Variants in CDKAL1 observed in about 807,000 individuals in gnomAD.
The protein encoded by CDKAL1 is CDKAL1 threonylcarbamoyladenosine tRNA methylthiotransferase.
In CDKAL1, 32 loss-of-function variants were observed where a neutral mutation model predicts 68.2. The observed-to-expected ratio is 0.47, with a 90% confidence interval of 0.35 to 0.63. The LOEUF (loss-of-function observed/expected upper bound fraction) is 0.63, where lower values mean the gene tolerates loss of function less well. Ranked by LOEUF, CDKAL1 falls within the 30% of genes least tolerant of loss-of-function variation. The pLI, the probability that CDKAL1 is intolerant of heterozygous loss-of-function variation, is 0.00. For synonymous variants in CDKAL1, 234 were observed against 244.3 expected (o/e 0.96, Z 0.39); for missense variants, 606 against 696.7 (o/e 0.87, Z 1.47).
intron 8 of CDKAL1, among the ~76,000 whole-genome samples, chr6:20,833,144 T>G (rs886355340): frequency 6.6e-6 from 1 of 152,178 alleles, no homozygotes; most frequent in Non-Finnish European, 1.5e-5. Flanking sequence ...ATTGAAGCAT[T>G]TATTGGAGAA....
At chr6:21,051,114 G>A (rs868111937) in intron 11 of CDKAL1, among the ~76,000 whole-genome samples, 1 of 152,180 alleles carries the variant, frequency 6.6e-6, no homozygotes, top group African/African-American at 2.4e-5. Flanking sequence ...TAAAGTAGCA[G>A]AATGTGAACA....
At chr6:20,995,110 G>T (rs941030635) in intron 10 of CDKAL1, among the ~76,000 whole-genome samples, 19 of 152,184 alleles carry the variant, frequency 1.2e-4, no homozygotes, top group Admixed American at 8.5e-4. Flanking sequence ...TGATGAGATT[G>T]CAGCAATTCC....
intron 5 of CDKAL1, among the ~76,000 whole-genome samples, chr6:20,728,853 CT>C (rs1456543507): frequency 6.6e-6 from 1 of 151,940 alleles, no homozygotes; most frequent in Admixed American, 6.5e-5. Flanking sequence ...ACTCTTTTTT[CT>C]TTTCTTTTCT....
chr6:20,743,624 G>C (rs112130562), intron 6 of CDKAL1, among the ~76,000 whole-genome samples: 380 of 152,204 alleles, frequency 2.5e-3, no homozygotes, highest in African/African-American at 8.6e-3. Flanking sequence ...TTTGACCTCT[G>C]GGCCTTTTAT....
At chr6:20,542,053 G>A (rs1389485681) in intron 2 of CDKAL1, among the ~76,000 whole-genome samples, 1 of 152,154 alleles carries the variant, frequency 6.6e-6, no homozygotes, top group Non-Finnish European at 1.5e-5. Context: ...CTAATCTTTG[G>A]TTCTTACTGA....
At chr6:20,548,734 A>G (rs761461635) in intron 4 of CDKAL1, 29 bp downstream of exon 4, 2 of 1,036,498 alleles carry the variant, frequency 1.9e-6, no homozygotes, top group East Asian at 2.5e-5. Context: ...TATTTTATTG[A>G]TTAAATTTTT....
chr6:21,003,371 T>TATATATACACACACAC, intron 11 of CDKAL1, among the ~76,000 whole-genome samples: 1 of 49,302 alleles, frequency 2.0e-5, no homozygotes, highest in East Asian at 8.6e-4. Context: ...TATATATATA[T>TATATATACACACACAC]ACACACACAC....
intron 11 of CDKAL1, among the ~76,000 whole-genome samples, chr6:21,009,933 T>C (rs1767924179): frequency 6.6e-6 from 1 of 152,182 alleles, no homozygotes; most frequent in Non-Finnish European, 1.5e-5. Flanking sequence ...GGTAGCACAG[T>C]AGAGTGACTA....
intron 4 of CDKAL1, among the ~76,000 whole-genome samples, chr6:20,626,719 A>C (rs1581849035): frequency 6.6e-6 from 1 of 152,068 alleles, no homozygotes; most frequent in Non-Finnish European, 1.5e-5. Context: ...TTGTTCTGTA[A>C]TTTTCTTGGC....
At chr6:20,742,911 C>T (rs576185859) in intron 6 of CDKAL1, among the ~76,000 whole-genome samples, 10 of 151,762 alleles carry the variant, frequency 6.6e-5, no homozygotes, top group Non-Finnish European at 1.2e-4. Flanking sequence ...ATTATGTCCA[C>T]ATAACTAAAA....
intron 9 of CDKAL1, among the ~76,000 whole-genome samples, chr6:20,936,090 CAT>C (rs1763692477): frequency 1.3e-5 from 2 of 152,118 alleles, no homozygotes; most frequent in African/African-American, 4.8e-5. Flanking sequence ...ACCTCAAAAA[CAT>C]AGAATAATTA....
chr6:20,761,725 G>A (rs1024893785), intron 7 of CDKAL1, among the ~76,000 whole-genome samples: 26 of 152,144 alleles, frequency 1.7e-4, no homozygotes, highest in African/African-American at 5.1e-4. Context: ...GGTGAAATAC[G>A]GAAGGAGTAA....
rs775431957 is a variant in CDKAL1, at chr6:21,231,080, C to T, written c.*41C>T. 3 of 1,456,492 alleles carry T rather than the reference C, an allele frequency of 2.1e-6. No homozygotes were observed. The highest frequency in any genetic ancestry group is 4.6e-5 in the East Asian group (2 of 43,362). The allele number at this position is 1,456,492 out of a possible 1,614,324, so 90.2% of individuals were successfully genotyped here. On this transcript the variant is annotated 3_prime_UTR_variant, in exon 16 of 16. Transcript: ENST00000274695. ...AACATCTATAAAGAAGAATACATTT[C>T]TAATTAAAATCTTCAATGAACAGGA...
chr6:21,133,721 A>G (rs1775440955), intron 13 of CDKAL1, among the ~76,000 whole-genome samples: 1 of 152,230 alleles, frequency 6.6e-6, no homozygotes, highest in South Asian at 2.1e-4. Context: ...GTCATAATGT[A>G]TGCAAGGTCT....
At chr6:20,946,165 C>T (rs1318918923) in intron 9 of CDKAL1, among the ~76,000 whole-genome samples, 1 of 152,128 alleles carries the variant, frequency 6.6e-6, no homozygotes, top group African/African-American at 2.4e-5. Flanking sequence ...AGCTTGAGCC[C>T]CTTATAACAA....
intron 13 of CDKAL1, among the ~76,000 whole-genome samples, chr6:21,191,202 G>T (rs572038435): frequency 3.9e-5 from 6 of 152,264 alleles, no homozygotes; most frequent in African/African-American, 1.2e-4. Context: ...GTAGAATATT[G>T]TTTGTTTCAG....
intron 13 of CDKAL1, among the ~76,000 whole-genome samples, chr6:21,134,330 G>A (rs1050959411): frequency 1.6e-4 from 25 of 152,164 alleles, no homozygotes; most frequent in Non-Finnish European, 3.1e-4. Flanking sequence ...GAAGGGAGGG[G>A]AAGGGGATTT....
chr6:20,639,521 A>G (rs916359679), intron 4 of CDKAL1, among the ~76,000 whole-genome samples: 1 of 152,200 alleles, frequency 6.6e-6, no homozygotes, highest in South Asian at 2.1e-4. Flanking sequence ...CTTAAAGGAA[A>G]ATACTTTATC....
At chr6:20,678,057 G>T (rs1770198232) in intron 5 of CDKAL1, among the ~76,000 whole-genome samples, 1 of 149,466 alleles carries the variant, frequency 6.7e-6, no homozygotes, top group Non-Finnish European at 1.5e-5. Context: ...CTGTTATTAG[G>T]TAGTAACACT....
Sources: gnomAD v4.1 joint callset for allele counts (sites outside exome capture counted in the v4.1 genomes callset) on GRCh38, gnomAD v4.1.1 for gene constraint, MANE v1.5 for transcripts, NCBI Gene and HGNC (gene_info 2026-07-23, HGNC 2026-07-21) for gene names.